Variants in TSEN2 observed in about 807,000 individuals in gnomAD.
The protein encoded by TSEN2 is tRNA-splicing endonuclease subunit Sen2.
TSEN2 carries 54 observed loss-of-function variants against 59.2 expected under a neutral mutation model. The observed-to-expected ratio is 0.91, with a 90% CI of 0.73 to 1.14. The LOEUF is 1.14. Among genes scored for constraint, TSEN2 ranks in the 50% most tolerant of loss-of-function variants. TSEN2 has a pLI of 0.00. For synonymous variants in TSEN2, 195 were observed against 198.2 expected (o/e 0.98, Z 0.14); for missense variants, 636 against 576.2 (o/e 1.10, Z -1.06).
At chr3:12,481,283 C>T (rs1437141981), upstream of TSEN2, among the ~76,000 whole-genome samples, 1 of 152,198 alleles carries the variant, frequency 6.6e-6, no homozygotes, top group Non-Finnish European at 1.5e-5. Flanking sequence ...TTTACAAACT[C>T]ACCTAGTTGC....
intron 3 of TSEN2, among the ~76,000 whole-genome samples, chr3:12,492,828 C>T (rs299638): frequency 0.49 from 74,422 of 152,052 alleles, 19,065 homozygotes; most frequent in African/African-American, 0.61. Context: ...AGAAACAGAC[C>T]TTCTCTTGCA....
At chr3:12,508,262 C>A (rs965594870) in intron 6 of TSEN2, among the ~76,000 whole-genome samples, 2 of 152,160 alleles carry the variant, frequency 1.3e-5, no homozygotes, top group Non-Finnish European at 2.9e-5. Context: ...CTCTTGAACA[C>A]CCCCTGATGA....
intron 2 of TSEN2, among the ~76,000 whole-genome samples, chr3:12,491,115 C>T (rs956350387): frequency 1.3e-5 from 2 of 152,030 alleles, no homozygotes; most frequent in African/African-American, 2.4e-5. Context: ...CTCAGCCTCC[C>T]GAGTAGTTGG....
At chr3:12,519,031 C>T (rs911059087) in intron 7 of TSEN2, 28 bp from the exon 8 acceptor site, 1 of 1,613,454 alleles carries the variant, frequency 6.2e-7, no homozygotes, top group Non-Finnish European at 8.5e-7. Context: ...CATAGTAATG[C>T]TTTTTGTTTT....
At chr3:12,515,942 T>C (rs961275613) in intron 6 of TSEN2, among the ~76,000 whole-genome samples, 3 of 152,148 alleles carry the variant, frequency 2.0e-5, no homozygotes, top group Non-Finnish European at 4.4e-5. Context: ...GAAACTCCAA[T>C]GAGCAACAGT....
intron 10 of TSEN2, 129 bp from the exon 11 acceptor site, chr3:12,531,441 G>A: frequency 1.5e-6 from 1 of 659,132 alleles, no homozygotes; most frequent in Admixed American, 2.4e-5. Context: ...GGAAACTGAT[G>A]TGCTCTGTGA....
upstream of TSEN2, among the ~76,000 whole-genome samples, chr3:12,483,500 G>A (rs1357660766): frequency 1.3e-5 from 2 of 152,208 alleles, no homozygotes; most frequent in Admixed American, 6.5e-5. Flanking sequence ...CCTGGAAGAG[G>A]TGATATTTGA....
chr3:12,525,173 G>A (rs924451398), intron 8 of TSEN2, among the ~76,000 whole-genome samples: 9 of 152,096 alleles, frequency 5.9e-5, no homozygotes, highest in African/African-American at 1.4e-4. Flanking sequence ...ACTCAAGCTC[G>A]GGTTCTCTTA....
intron 6 of TSEN2, among the ~76,000 whole-genome samples, chr3:12,509,109 G>T (rs2055147917): frequency 1.3e-5 from 2 of 152,092 alleles, no homozygotes; most frequent in African/African-American, 4.8e-5. Flanking sequence ...TTTTTTAAAT[G>T]AAAGTTGATT....
chr3:12,537,564 C>G (rs533817890), downstream of TSEN2, among the ~76,000 whole-genome samples: 62 of 152,256 alleles, frequency 4.1e-4, 1 homozygote, highest in African/African-American at 8.2e-4. Flanking sequence ...TTTTTCTTCT[C>G]TAATGATGGC....
At chr3:12,511,606 A>T (rs1575364132) in intron 6 of TSEN2, among the ~76,000 whole-genome samples, 2 of 147,174 alleles carry the variant, frequency 1.4e-5, no homozygotes, top group Non-Finnish European at 3.0e-5. Context: ...TCTCTCTGTC[A>T]CCTAAGCTGC....
intron 8 of TSEN2, 147 bp downstream of exon 8, chr3:12,519,344 G>T: frequency 1.6e-6 from 2 of 1,238,308 alleles, no homozygotes; most frequent in South Asian, 1.2e-5. Context: ...ATTTGGATTG[G>T]GTTAAGGGTA....
At chr3:12,505,618 G>C (rs776215260) in intron 6 of TSEN2, 20 of 210,500 alleles carry the variant, frequency 9.5e-5, no homozygotes, top group Non-Finnish European at 1.7e-4. Flanking sequence ...GTAAAACCCT[G>C]TCTCTACCAA....
At chr3:12,507,940 A>G (rs1335635578) in intron 6 of TSEN2, among the ~76,000 whole-genome samples, 1 of 152,214 alleles carries the variant, frequency 6.6e-6, no homozygotes, top group Non-Finnish European at 1.5e-5. Flanking sequence ...TGCCACATGG[A>G]CACAGGGTAG....
chr3:12,492,102 C>T (rs2053276826), intron 2 of TSEN2, 34 bp from the exon 3 acceptor site: 1 of 1,576,678 alleles, frequency 6.3e-7, no homozygotes, highest in Non-Finnish European at 8.7e-7. Context: ...GGTAACTAAG[C>T]ATGAACTAAC....
downstream of TSEN2, among the ~76,000 whole-genome samples, chr3:12,537,898 G>A (rs141404542): frequency 1.3e-5 from 2 of 152,262 alleles, no homozygotes; most frequent in Admixed American, 1.3e-4. Context: ...CTAATAATGA[G>A]TAAAGAATTA....
rs1485398772 is a variant in TSEN2, at chr3:12,531,604, C to T, written c.1283C>T (p.Thr428Ile). 18 of 1,613,044 alleles carry T rather than the reference C, an allele frequency of 1.1e-5. No homozygotes were observed. Among genetic ancestry groups the T allele is most frequent in the Middle Eastern group, 1.7e-4 (1 of 6,060 alleles). ...CTGTGCTATTTGATTAAACCCTCTA[C>T]TATGACTGACAAGGAAATGGAGTCA... ...LMLCYLIKPS[T>I]MTDKEMESPE... Residue 428 changes from threonine to isoleucine, a missense_variant, in exon 11 of 12, where the codon ACT (threonine) becomes ATT (isoleucine). Coordinates refer to ENST00000284995, the MANE Select transcript of TSEN2 (RefSeq NM_025265.4).
chr3:12,498,209 C>T (rs1362403496), intron 4 of TSEN2, among the ~76,000 whole-genome samples: 2 of 151,940 alleles, frequency 1.3e-5, no homozygotes, highest in Non-Finnish European at 2.9e-5. Context: ...CTGCAAAGAC[C>T]CTGTTTCCAG....
intron 1 of TSEN2, among the ~76,000 whole-genome samples, chr3:12,487,319 C>T (rs568538592): frequency 6.6e-6 from 1 of 152,352 alleles, no homozygotes; most frequent in African/African-American, 2.4e-5. Context: ...TTCCATCCCA[C>T]ACACCTGGGT....
Sources: allele counts gnomAD v4.1 joint callset (sites outside exome capture counted in the v4.1 genomes callset), GRCh38; gene constraint gnomAD v4.1.1; transcripts MANE v1.5; gene names NCBI Gene and HGNC (gene_info 2026-07-23, HGNC 2026-07-21).